KCNG3: variants seen among roughly 807,000 people sequenced by gnomAD.
KCNG3 encodes voltage-gated potassium channel regulatory subunit KCNG3.
In KCNG3, 15 loss-of-function variants were observed where a neutral mutation model predicts 29.0. The observed-to-expected ratio is 0.52, with a 90% CI of 0.35 to 0.80. The LOEUF is 0.80. Ranked by LOEUF, KCNG3 falls within the 30% of genes least tolerant of loss-of-function variation. The probability of loss-of-function intolerance (pLI) is 0.01; values close to 1 mark genes in which losing one functional copy is unlikely to be tolerated. For missense variants in KCNG3, 512 were observed against 605.7 expected, an observed-to-expected ratio of 0.85 and a Z score of 1.62; for synonymous variants, 322 against 248.9, an observed-to-expected ratio of 1.29 and a Z score of -2.76.
chr2:42,472,088 A>G (rs1673303802), intron 1 of KCNG3, among the ~76,000 whole-genome samples: 1 of 152,182 alleles, frequency 6.6e-6, no homozygotes, highest in African/African-American at 2.4e-5. Flanking sequence ...AGAGATGTGC[A>G]TACTTTTCAA....
the KCNG3 span, among the ~76,000 whole-genome samples, chr2:42,413,050 G>C: frequency 6.6e-6 from 1 of 152,112 alleles, no homozygotes; most frequent in African/African-American, 2.4e-5. Flanking sequence ...GTTCACTGCA[G>C]CTTTTATCCC....
At chr2:42,396,767 A>C in the KCNG3 span, among the ~76,000 whole-genome samples, 4 of 152,226 alleles carry the variant, frequency 2.6e-5, no homozygotes, top group Non-Finnish European at 4.4e-5. Flanking sequence ...ATGGAGTTTC[A>C]GGAAATTGCT....
the KCNG3 span, among the ~76,000 whole-genome samples, chr2:42,419,647 A>G: frequency 6.6e-6 from 1 of 152,268 alleles, no homozygotes; most frequent in South Asian, 2.1e-4. Flanking sequence ...GGAAAGCCCA[A>G]CCTTAGCACT....
At chr2:42,391,467 A>C in the KCNG3 span, among the ~76,000 whole-genome samples, 1 of 152,210 alleles carries the variant, frequency 6.6e-6, no homozygotes, top group Non-Finnish European at 1.5e-5. Context: ...GATTGAAACA[A>C]AGTGGCAACA....
intron 1 of KCNG3, chr2:42,469,781 A>G (rs2103705127): frequency 5.7e-6 from 1 of 174,312 alleles, no homozygotes; most frequent in South Asian, 2.0e-4. Flanking sequence ...GTTAAAATGT[A>G]CAGCTTCTTC....
intron 1 of KCNG3, among the ~76,000 whole-genome samples, chr2:42,483,971 C>T (rs945320429): frequency 8.5e-5 from 13 of 152,124 alleles, no homozygotes; most frequent in Middle Eastern, 3.4e-3. Context: ...TTTGTAGAGA[C>T]GGGATTTCGC....
intron 1 of KCNG3, among the ~76,000 whole-genome samples, chr2:42,446,840 T>C (rs1195564547): frequency 6.6e-6 from 1 of 152,070 alleles, no homozygotes; most frequent in Non-Finnish European, 1.5e-5. Flanking sequence ...AAAAAAAGAA[T>C]ATAGAAAGAA....
rs1672528988 is a variant in KCNG3 at position 42,443,399 on chromosome 2, T to C, written c.*535A>G. Reference sequence around the variant, plus strand: ...GGAAAAGTCTTTCAAATACTATTCTTGCTTGTATCTAGCTCCATTATACAG... The same window carrying C: ...GGAAAAGTCTTTCAAATACTATTCTCGCTTGTATCTAGCTCCATTATACAG... On this transcript the variant is annotated 3_prime_UTR_variant, in exon 2 of 2. Transcript: ENST00000306078. 1 of 152,686 alleles carries C rather than the reference T, an allele frequency of 6.5e-6. No individual in the cohort carries two copies. Among genetic ancestry groups the C allele is most frequent in the East Asian group, 1.9e-4 (1 of 5,202 alleles). The allele number at this position is 152,686 out of a possible 1,614,324, so 9.5% of individuals were successfully genotyped here.
At chr2:42,414,142 C>T in the KCNG3 span, among the ~76,000 whole-genome samples, 2 of 152,126 alleles carry the variant, frequency 1.3e-5, no homozygotes, top group African/African-American at 2.4e-5. Context: ...AGTTTGTCAA[C>T]ATGTTTTACC....
intron 1 of KCNG3, among the ~76,000 whole-genome samples, chr2:42,487,343 C>A (rs1397105577): frequency 5.9e-5 from 6 of 102,204 alleles, no homozygotes; most frequent in Admixed American, 2.7e-4. Context: ...TTTTTTTTTT[C>A]TTTCTTTTTT....
the KCNG3 span, among the ~76,000 whole-genome samples, chr2:42,431,425 A>G: frequency 6.6e-6 from 1 of 152,196 alleles, no homozygotes; most frequent in Non-Finnish European, 1.5e-5. Flanking sequence ...TTGAAGATTA[A>G]TATTTGCCTA....
At chr2:42,422,352 A>T in the KCNG3 span, among the ~76,000 whole-genome samples, 1 of 152,186 alleles carries the variant, frequency 6.6e-6, no homozygotes, top group Admixed American at 6.5e-5. Context: ...GCCTTCTGCC[A>T]TGTTATGATA....
At chr2:42,475,969 G>A (rs1357752807) in intron 1 of KCNG3, among the ~76,000 whole-genome samples, 3 of 152,146 alleles carry the variant, frequency 2.0e-5, no homozygotes, top group Non-Finnish European at 4.4e-5. Flanking sequence ...GGGAGGCTGA[G>A]GCAGGAGAAT....
At chr2:42,399,914 T>C in the KCNG3 span, among the ~76,000 whole-genome samples, 5 of 152,108 alleles carry the variant, frequency 3.3e-5, no homozygotes, top group Admixed American at 2.0e-4. Context: ...CTTCCACTCT[T>C]TGAGTTCTTC....
chr2:42,421,522 T>C, the KCNG3 span, among the ~76,000 whole-genome samples: 1 of 152,310 alleles, frequency 6.6e-6, no homozygotes, highest in East Asian at 1.9e-4. Flanking sequence ...AATTTATTTA[T>C]TTTTTCTTAA....
the KCNG3 span, among the ~76,000 whole-genome samples, chr2:42,430,698 A>C: frequency 6.6e-6 from 1 of 152,160 alleles, no homozygotes; most frequent in East Asian, 1.9e-4. Context: ...TCGAGGCTAC[A>C]ATGAGACATC....
At chr2:42,481,440 G>T (rs1426521059) in intron 1 of KCNG3, among the ~76,000 whole-genome samples, 2 of 152,082 alleles carry the variant, frequency 1.3e-5, no homozygotes, top group Non-Finnish European at 2.9e-5. Context: ...TCTTACTGAG[G>T]TTCTAACTGG....
chr2:42,430,314 G>A, the KCNG3 span, among the ~76,000 whole-genome samples: 2 of 151,778 alleles, frequency 1.3e-5, no homozygotes, highest in Admixed American at 1.3e-4. Flanking sequence ...ACTACAGTCA[G>A]CTGTGATTGT....
At chr2:42,491,758 G>A (rs2029899) in intron 1 of KCNG3, among the ~76,000 whole-genome samples, 66,755 of 151,956 alleles carry the variant, frequency 0.44, 14,972 homozygotes, top group Admixed American at 0.53. Flanking sequence ...CCTACAGGAA[G>A]AATATTATGT....
Sources: gnomAD v4.1 joint callset for allele counts (sites outside exome capture counted in the v4.1 genomes callset) on GRCh38, gnomAD v4.1.1 for gene constraint, MANE v1.5 for transcripts, NCBI Gene and HGNC (gene_info 2026-07-23, HGNC 2026-07-21) for gene names.